The following COL19A1 variants were observed in gnomAD, a reference collection of about 807,000 sequenced individuals.
The protein encoded by COL19A1 is collagen alpha-1(XIX) chain.
Under a neutral mutation model 190.2 loss-of-function variants are expected in COL19A1, and 159 were observed. That is an observed-to-expected ratio of 0.84 (90% CI 0.73 to 0.95). The LOEUF (loss-of-function observed/expected upper bound fraction) is 0.95. Among genes scored for constraint, COL19A1 ranks in the 40% least tolerant of loss-of-function variants. COL19A1 has a pLI of 0.00. For synonymous variants in COL19A1, 509 were observed against 458.9 expected (o/e 1.11, Z -1.39); for missense variants, 1,418 against 1,431.9 (o/e 0.99, Z 0.16).
intron 14 of COL19A1, among the ~76,000 whole-genome samples, chr6:70,039,510 A>G (rs970116812): frequency 2.6e-5 from 4 of 152,212 alleles, no homozygotes; most frequent in Non-Finnish European, 4.4e-5. Context: ...TGAGAAGGAC[A>G]ACAAGCATTG....
chr6:70,044,296 G>C (rs1779790293), intron 14 of COL19A1, among the ~76,000 whole-genome samples: 1 of 152,156 alleles, frequency 6.6e-6, no homozygotes, highest in African/African-American at 2.4e-5. Context: ...CAATATGGCT[G>C]TTTTGCTTTC....
chr6:70,123,095 T>C (rs547879957), intron 17 of COL19A1, among the ~76,000 whole-genome samples: 3 of 152,138 alleles, frequency 2.0e-5, no homozygotes, highest in African/African-American at 4.8e-5. Context: ...TACAATGAAC[T>C]CAAACAAATT....
At chr6:70,178,044 T>C (rs1451157292) in intron 42 of COL19A1, among the ~76,000 whole-genome samples, 1 of 152,192 alleles carries the variant, frequency 6.6e-6, no homozygotes, top group Non-Finnish European at 1.5e-5. Flanking sequence ...GTTGGATGTC[T>C]AAGATCTGAT....
chr6:70,006,341 C>A (rs559524356), intron 11 of COL19A1, among the ~76,000 whole-genome samples: 106 of 152,322 alleles, frequency 7.0e-4, no homozygotes, highest in South Asian at 1.9e-3. Context: ...GTGGGAAAAG[C>A]ATGGTTTCCC....
At chr6:70,029,915 G>A (rs1035186936) in intron 12 of COL19A1, among the ~76,000 whole-genome samples, 12 of 152,114 alleles carry the variant, frequency 7.9e-5, no homozygotes, top group Non-Finnish European at 2.9e-5. Flanking sequence ...TATGCTAAAT[G>A]TCTCTACAAC....
intron 14 of COL19A1, 143 bp from the exon 15 acceptor site, chr6:70,068,275 ATATAT>A: frequency 1.7e-6 from 1 of 598,788 alleles, no homozygotes; most frequent in Non-Finnish European, 3.0e-6. Context: ...ATCATTATTA[ATATAT>A]TATATAGTTC....
intron 2 of COL19A1, among the ~76,000 whole-genome samples, chr6:69,896,543 CAAAAA>C (rs61409385): frequency 5.9e-4 from 42 of 71,688 alleles, no homozygotes; most frequent in African/African-American, 2.2e-3. Flanking sequence ...GACTCCGTCT[CAAAAA>C]AAAAAAAAAA....
chr6:70,006,201 G>A (rs181192926), intron 11 of COL19A1, among the ~76,000 whole-genome samples: 212 of 152,326 alleles, frequency 1.4e-3, no homozygotes, highest in African/African-American at 5.0e-3. Context: ...CACCCTGGGA[G>A]CTCAGCAGGC....
intron 19 of COL19A1, among the ~76,000 whole-genome samples, chr6:70,139,406 C>T (rs1411912966): frequency 6.6e-6 from 1 of 151,962 alleles, no homozygotes; most frequent in East Asian, 1.9e-4. Context: ...CTGCCTTTAG[C>T]CCTGTTTTCC....
In COL19A1 at chr6:70,171,982, G is replaced by A; in HGVS notation, c.2587G>A (p.Gly863Arg). The A allele has an allele frequency of 6.2e-7, 1 of 1,611,874 alleles. No individual in the cohort carries two copies. The highest frequency in any genetic ancestry group is 8.5e-7 in the Non-Finnish European group (1 of 1,179,298). ...TTAACAGGGAGAGCCTGGTGCAATG[G>A]GGTTGCCAGGATTAGAAGGATTTCC... ...PGPVGEPGAM[G>R]LPGLEGFPGV... is the part of the protein sequence containing the mutation. Residue 863 changes from glycine to arginine, a missense_variant, in exon 41 of 51, where the codon GGG becomes AGG. Transcript: ENST00000620364.
chr6:70,156,211 T>C lies in COL19A1; in HGVS notation c.2164T>C (p.Tyr722His), dbSNP rs1371621296. 8 of 1,613,316 alleles carry C rather than the reference T, an allele frequency of 5.0e-6. No homozygotes were observed. The highest frequency in any genetic ancestry group is 1.3e-5 in the African/African-American group (1 of 74,964). Residue 722 changes from tyrosine to histidine, a missense_variant, in exon 32 of 51, where the codon TAT (tyrosine) becomes CAT (histidine). Transcript: ENST00000620364. ...AGGAGGTGCTGGTGAGCCTGGAAAGTATGATTCCATGGCCCGGAAGGTGAG... is the reference window on the plus strand; with the variant it reads ...AGGAGGTGCTGGTGAGCCTGGAAAGCATGATTCCATGGCCCGGAAGGTGAG... ...EEGGAGEPGKYDSMARKGDIG... is the reference protein window; with the variant it reads ...EEGGAGEPGKHDSMARKGDIG...
chr6:70,185,821 G>A (rs1261983182), intron 46 of COL19A1, among the ~76,000 whole-genome samples: 3 of 152,008 alleles, frequency 2.0e-5, no homozygotes, highest in African/African-American at 4.8e-5. Context: ...TGTCTAGTTC[G>A]CTAACTTTTA....
intron 7 of COL19A1, among the ~76,000 whole-genome samples, chr6:69,933,198 T>G (rs568718429): frequency 1.3e-5 from 2 of 152,194 alleles, no homozygotes; most frequent in African/African-American, 4.8e-5. Flanking sequence ...TTATTCTCAC[T>G]CATTTTCCTT....
chr6:70,166,274 A>G (rs1765149317), intron 37 of COL19A1, among the ~76,000 whole-genome samples: 1 of 152,172 alleles, frequency 6.6e-6, no homozygotes. Context: ...CCCCTGGGAA[A>G]GTCATTTAAC....
chr6:69,924,744 C>G (rs1448149733), intron 4 of COL19A1, among the ~76,000 whole-genome samples: 36 of 152,148 alleles, frequency 2.4e-4, no homozygotes, highest in Non-Finnish European at 2.9e-5. Flanking sequence ...CTCTCCAGCA[C>G]CTGTTGTTTC....
intron 17 of COL19A1, among the ~76,000 whole-genome samples, chr6:70,124,439 C>T (rs1195801488): frequency 6.6e-6 from 1 of 151,860 alleles, no homozygotes; most frequent in African/African-American, 2.4e-5. Flanking sequence ...CCCTACTTCT[C>T]TATACAGTTT....
chr6:69,921,416 A>ATATTCATATAT lies in COL19A1; in HGVS notation c.267-6492_267-6491insATTCATATATT, dbSNP rs1390512918. ...ATATCATATATCATATATATCATATATCATATATATCATATATATCATATA... is the reference window on the plus strand; with the variant it reads ...ATATCATATATCATATATATCATATATATTCATATATTCATATATATCATATATATCATATA... On this transcript the variant is annotated intron_variant, in intron 4 of 50. Transcript: ENST00000620364. 3.7e-4 allele frequency among the ~76,000 whole-genome samples: 29 copies of ATATTCATATAT among 77,462 alleles called. 3 individuals are homozygous for ATATTCATATAT. The highest frequency in any genetic ancestry group is 0.015 in the Middle Eastern group (1 of 68). The allele number at this position is 77,462 out of a possible 152,430, so 50.8% of individuals were successfully genotyped here.
In COL19A1 at chr6:70,207,094, G is replaced by A. The variant is rs562043463; in HGVS notation, c.3302-53G>A. Reference sequence around the variant, plus strand: ...GATCCATGTTGGCTAGAGGGTGGGAGAGAGGAAGGGCCATATGTGATCTGC... The same window carrying A: ...GATCCATGTTGGCTAGAGGGTGGGAAAGAGGAAGGGCCATATGTGATCTGC... On this transcript the variant is annotated intron_variant, in intron 50 of 50. Coordinates refer to ENST00000620364, the MANE Select transcript of COL19A1 (RefSeq NM_001858.6). 7 of 1,604,726 alleles carry A rather than the reference G, an allele frequency of 4.4e-6. 1 individual carries two copies. The Admixed American group carries it at 8.5e-5, about 19-fold the overall frequency.
At chr6:69,923,652 G>A (rs1338514635) in intron 4 of COL19A1, among the ~76,000 whole-genome samples, 1 of 152,118 alleles carries the variant, frequency 6.6e-6, no homozygotes, top group Non-Finnish European at 1.5e-5. Context: ...CATCCATAGA[G>A]GGCACTAGAA....
Sources: gnomAD v4.1 joint callset for allele counts (sites outside exome capture counted in the v4.1 genomes callset) on GRCh38, gnomAD v4.1.1 for gene constraint, MANE v1.5 for transcripts, NCBI Gene and HGNC (gene_info 2026-07-23, HGNC 2026-07-21) for gene names.